Variants in CCDC192 observed in about 807,000 individuals in gnomAD.
CCDC192 encodes the protein coiled-coil domain-containing protein 192.
intron 1 of CCDC192, among the ~76,000 whole-genome samples, chr5:127,704,578 A>G (rs1164272354): frequency 6.6e-6 from 1 of 152,170 alleles, no homozygotes; most frequent in Non-Finnish European, 1.5e-5. Flanking sequence ...TGGTCTGTGG[A>G]TGATATGAGA....
At chr5:127,762,509 G>A (rs1273885531) in intron 3 of CCDC192, among the ~76,000 whole-genome samples, 1 of 152,214 alleles carries the variant, frequency 6.6e-6, no homozygotes, top group Non-Finnish European at 1.5e-5. Flanking sequence ...AGAAGCTGGT[G>A]AAGAGATGGT....
chr5:127,735,077 T>C (rs2126824918), intron 2 of CCDC192, among the ~76,000 whole-genome samples: 1 of 132,840 alleles, frequency 7.5e-6, no homozygotes, highest in South Asian at 2.7e-4. Flanking sequence ...CATTTAAGTC[T>C]TTAATCCATC....
At chr5:127,801,946 G>T (rs114598597) in intron 5 of CCDC192, among the ~76,000 whole-genome samples, 1 of 152,156 alleles carries the variant, frequency 6.6e-6, no homozygotes, top group Non-Finnish European at 1.5e-5. Context: ...TTTGGGTGTG[G>T]TTGGATCAGT....
At chr5:127,811,801 GT>G (rs1434684143) in intron 5 of CCDC192, among the ~76,000 whole-genome samples, 1 of 152,116 alleles carries the variant, frequency 6.6e-6, no homozygotes, top group Non-Finnish European at 1.5e-5. Flanking sequence ...CATTGGCAAG[GT>G]CTGAGAAGAA....
At chr5:127,709,958 A>G (rs1339162246) in intron 2 of CCDC192, among the ~76,000 whole-genome samples, 1 of 152,088 alleles carries the variant, frequency 6.6e-6, no homozygotes, top group Non-Finnish European at 1.5e-5. Context: ...TAACCCTCTC[A>G]TGGACGGTAT....
chr5:127,922,619 T>G (rs1753752683), intron 6 of CCDC192, among the ~76,000 whole-genome samples: 3 of 152,172 alleles, frequency 2.0e-5, no homozygotes, highest in Admixed American at 1.3e-4. Context: ...CACACACTTG[T>G]AGTCCCAGCT....
At chr5:127,767,433 C>G (rs1042560217) in intron 3 of CCDC192, among the ~76,000 whole-genome samples, 9 of 152,198 alleles carry the variant, frequency 5.9e-5, no homozygotes, top group Non-Finnish European at 1.0e-4. Context: ...TTTTTGTACA[C>G]TTGGATTTGT....
At chr5:127,779,887 C>T (rs114161403) in intron 3 of CCDC192, among the ~76,000 whole-genome samples, 5,078 of 152,018 alleles carry the variant, frequency 0.033, 149 homozygotes, top group Non-Finnish European at 0.049. Flanking sequence ...CACCCCCCTC[C>T]CACCCTTTCC....
chr5:127,855,165 T>A (rs942431805), intron 5 of CCDC192, among the ~76,000 whole-genome samples: 1 of 152,200 alleles, frequency 6.6e-6, no homozygotes, highest in Non-Finnish European at 1.5e-5. Flanking sequence ...GATTCTGTAG[T>A]ATGCCACACT....
intron 5 of CCDC192, among the ~76,000 whole-genome samples, chr5:127,805,082 C>T (rs150921579): frequency 9.7e-4 from 147 of 152,254 alleles, no homozygotes; most frequent in Non-Finnish European, 1.8e-3. Flanking sequence ...TTCCTGCCCT[C>T]CCTCTCCCAG....
chr5:127,900,480 G>A (rs112506946), intron 6 of CCDC192, among the ~76,000 whole-genome samples: 7 of 152,186 alleles, frequency 4.6e-5, no homozygotes, highest in African/African-American at 7.2e-5. Context: ...GTGGTCTTGG[G>A]AAATACGATC....
intron 5 of CCDC192, among the ~76,000 whole-genome samples, chr5:127,799,689 T>C (rs1757375111): frequency 6.6e-6 from 1 of 152,182 alleles, no homozygotes; most frequent in Non-Finnish European, 1.5e-5. Flanking sequence ...GAAATTCCTA[T>C]AGTGTCTTCT....
chr5:127,876,257 A>C lies in CCDC192; in HGVS notation c.535+596A>C, dbSNP rs566807882. 8.2e-3 allele frequency among the ~76,000 whole-genome samples: 154 copies of C among 18,840 alleles called. 1 individual carries two copies. The South Asian group carries it at 0.14, about 17-fold the overall frequency. The allele number at this position is 18,840 out of a possible 152,430, so 12.4% of individuals were successfully genotyped here. A position where few individuals can be genotyped will look rare whatever the true frequency, so the allele number is the denominator to read the frequency against. On this transcript the variant is annotated intron_variant, in intron 6 of 6. Transcript: ENST00000514853. The stretch of plus-strand genomic sequence containing the variant: ...GCAACAAACAAGCAAACAACAAACA[A>C]AAAAACTCCAAATCTCAGACTGTAA...
chr5:127,837,918 G>A (rs1446073220), intron 5 of CCDC192, among the ~76,000 whole-genome samples: 1 of 152,080 alleles, frequency 6.6e-6, no homozygotes, highest in East Asian at 1.9e-4. Context: ...AACCCAGGAG[G>A]CGGAGGTTGC....
At chr5:127,924,067 A>C (rs1200251774) in intron 6 of CCDC192, among the ~76,000 whole-genome samples, 2 of 152,202 alleles carry the variant, frequency 1.3e-5, no homozygotes, top group Admixed American at 6.5e-5. Context: ...CACTCTGACC[A>C]ATATATTCAC....
At chr5:127,724,100 A>T (rs1262546891) in intron 2 of CCDC192, among the ~76,000 whole-genome samples, 1 of 152,208 alleles carries the variant, frequency 6.6e-6, no homozygotes, top group African/African-American at 2.4e-5. Flanking sequence ...GGATTCTGAA[A>T]ATTCTGTATC....
At chr5:127,762,986 T>C (rs544038211) in intron 3 of CCDC192, among the ~76,000 whole-genome samples, 1 of 152,326 alleles carries the variant, frequency 6.6e-6, no homozygotes, top group African/African-American at 2.4e-5. Context: ...CAAACAGTCC[T>C]GGAAAATTGT....
At chr5:127,705,869 G>C (rs973073819) in intron 1 of CCDC192, among the ~76,000 whole-genome samples, 2 of 152,146 alleles carry the variant, frequency 1.3e-5, no homozygotes, top group African/African-American at 4.8e-5. Context: ...CATTTATTAA[G>C]ATCCTTTAAA....
intron 6 of CCDC192, among the ~76,000 whole-genome samples, chr5:127,924,597 C>A (rs961548303): frequency 6.6e-6 from 1 of 152,156 alleles, no homozygotes; most frequent in Non-Finnish European, 1.5e-5. Context: ...TATGTTGTGA[C>A]CCCAGATCAG....
Sources: gnomAD v4.1 joint callset for allele counts (sites outside exome capture counted in the v4.1 genomes callset) on GRCh38, gnomAD v4.1.1 for gene constraint, MANE v1.5 for transcripts, NCBI Gene and HGNC (gene_info 2026-07-23, HGNC 2026-07-21) for gene names.